The following CNTN5 variants were observed in gnomAD, a reference collection of about 807,000 sequenced individuals.
CNTN5 encodes contactin-5.
CNTN5 carries 77 observed loss-of-function variants against 129.1 expected under a neutral mutation model. That is an observed-to-expected ratio of 0.60 (90% CI 0.50 to 0.72). The LOEUF (loss-of-function observed/expected upper bound fraction) is 0.72, where lower values mean the gene tolerates loss of function less well. Ranked by LOEUF, CNTN5 falls within the 30% of genes least tolerant of loss-of-function variation. CNTN5 has a pLI of 0.00. For missense variants in CNTN5, 1,478 were observed against 1,328.8 expected, an observed-to-expected ratio of 1.11 and a Z score of -1.75; for synonymous variants, 509 against 465.6, an observed-to-expected ratio of 1.09 and a Z score of -1.20.
intron 8 of CNTN5, among the ~76,000 whole-genome samples, chr11:100,000,565 G>C (rs984312347): frequency 6.6e-6 from 1 of 152,184 alleles, no homozygotes; most frequent in Non-Finnish European, 1.5e-5. Context: ...CTCAGTGCAA[G>C]CTGTGGATCC....
rs181042377 is a variant in CNTN5 at position 100,173,695 on chromosome 11, A to G, written c.1581-17431A>G. 2.0e-5 allele frequency among the ~76,000 whole-genome samples: 3 copies of G among 152,276 alleles called. No individual in the cohort carries two copies. The East Asian group carries it at 5.8e-4, about 30-fold the overall frequency. On this transcript the variant is annotated intron_variant, in intron 13 of 24. Transcript: ENST00000524871. Reference sequence around the variant, plus strand: ...CGTCTAAGTCAGGGAACTCTGCAGTAAGGAGGTTCCACAGACATCACAGGT... The same window carrying G: ...CGTCTAAGTCAGGGAACTCTGCAGTGAGGAGGTTCCACAGACATCACAGGT...
intron 4 of CNTN5, among the ~76,000 whole-genome samples, chr11:99,836,411 C>G (rs561282567): frequency 6.6e-6 from 1 of 151,170 alleles, no homozygotes; most frequent in African/African-American, 2.4e-5. Flanking sequence ...TTTGTCCTTG[C>G]GATAGTTTGC....
chr11:99,033,623 C>T (rs1863524817), intron 1 of CNTN5, among the ~76,000 whole-genome samples: 1 of 151,056 alleles, frequency 6.6e-6, no homozygotes. Context: ...GATTTTGTAT[C>T]CTGAGACTTT....
At chr11:99,360,457 G>C (rs1939029647) in intron 2 of CNTN5, among the ~76,000 whole-genome samples, 2 of 152,114 alleles carry the variant, frequency 1.3e-5, no homozygotes, top group South Asian at 4.1e-4. Context: ...AATATAGGTG[G>C]AGGCAGCCAT....
At chr11:99,317,671 C>T (rs1385086178) in intron 1 of CNTN5, among the ~76,000 whole-genome samples, 1 of 152,074 alleles carries the variant, frequency 6.6e-6, no homozygotes, top group African/African-American at 2.4e-5. Flanking sequence ...CCACGATGCA[C>T]TGATAACTTG....
chr11:100,136,659 C>T (rs1042741113), intron 13 of CNTN5, among the ~76,000 whole-genome samples: 1 of 151,816 alleles, frequency 6.6e-6, no homozygotes, highest in African/African-American at 2.4e-5. Flanking sequence ...ACTTTCAAAG[C>T]TCTTCCTAAA....
At chr11:100,338,250 G>C (rs188061577) in intron 21 of CNTN5, among the ~76,000 whole-genome samples, 1 of 152,138 alleles carries the variant, frequency 6.6e-6, no homozygotes, top group Non-Finnish European at 1.5e-5. Flanking sequence ...TTAATATGTC[G>C]TGGTAGTTAA....
chr11:100,005,795 T>C (rs1331820902), intron 9 of CNTN5, among the ~76,000 whole-genome samples: 1 of 152,166 alleles, frequency 6.6e-6, no homozygotes, highest in Non-Finnish European at 1.5e-5. Context: ...CAAAGTGTAA[T>C]ATTTTATATA....
chr11:100,226,215 T>C (rs1429460925), intron 16 of CNTN5, among the ~76,000 whole-genome samples: 1 of 152,150 alleles, frequency 6.6e-6, no homozygotes, highest in Non-Finnish European at 1.5e-5. Flanking sequence ...CTGCAAACCC[T>C]ACACTCAGTC....
At chr11:99,428,298 G>A (rs1000020612) in intron 2 of CNTN5, among the ~76,000 whole-genome samples, 22 of 151,878 alleles carry the variant, frequency 1.4e-4, no homozygotes, top group African/African-American at 4.6e-4. Context: ...AGTGGCTCAC[G>A]TTTTTAATCC....
chr11:99,148,124 G>T (rs1202029879), intron 1 of CNTN5, among the ~76,000 whole-genome samples: 1 of 151,776 alleles, frequency 6.6e-6, no homozygotes, highest in Non-Finnish European at 1.5e-5. Flanking sequence ...CGCCCTTTAA[G>T]GATTGTAAAT....
chr11:99,500,801 G>A (rs1946397830), intron 2 of CNTN5, among the ~76,000 whole-genome samples: 1 of 152,032 alleles, frequency 6.6e-6, no homozygotes, highest in Non-Finnish European at 1.5e-5. Context: ...ACTTTTTTGT[G>A]TAGATTACTG....
At chr11:100,039,229 G>A (rs1942230458) in intron 9 of CNTN5, among the ~76,000 whole-genome samples, 1 of 152,046 alleles carries the variant, frequency 6.6e-6, no homozygotes, top group Admixed American at 6.6e-5. Context: ...TACTTATGAA[G>A]CTTAATTTGG....
At chr11:100,171,164 A>G (rs1450169529) in intron 13 of CNTN5, among the ~76,000 whole-genome samples, 1 of 152,024 alleles carries the variant, frequency 6.6e-6, no homozygotes, top group Non-Finnish European at 1.5e-5. Flanking sequence ...AATAAATAAA[A>G]TGAGTTCTTT....
At chr11:99,933,194 T>A (rs1950230601) in intron 7 of CNTN5, among the ~76,000 whole-genome samples, 1 of 152,186 alleles carries the variant, frequency 6.6e-6, no homozygotes, top group South Asian at 2.1e-4. Context: ...ATAATATAAA[T>A]CTTACTCTAG....
intron 1 of CNTN5, among the ~76,000 whole-genome samples, chr11:99,041,779 C>A (rs1033868103): frequency 6.6e-6 from 1 of 152,082 alleles, no homozygotes; most frequent in Non-Finnish European, 1.5e-5. Context: ...AATAAGAGCT[C>A]ATAATTTAGT....
chr11:99,120,761 G>T (rs556075186), intron 1 of CNTN5, among the ~76,000 whole-genome samples: 135 of 152,196 alleles, frequency 8.9e-4, no homozygotes, highest in African/African-American at 3.2e-3. Flanking sequence ...TAATTGCATA[G>T]TTCGAGTCAC....
chr11:99,410,065 C>A (rs1309756039), intron 2 of CNTN5, among the ~76,000 whole-genome samples: 3 of 151,994 alleles, frequency 2.0e-5, no homozygotes, highest in Non-Finnish European at 2.9e-5. Context: ...AATATCATAA[C>A]CTTGTTGGAG....
intron 13 of CNTN5, among the ~76,000 whole-genome samples, chr11:100,105,151 C>T (rs1184484155): frequency 6.6e-6 from 1 of 152,198 alleles, no homozygotes; most frequent in African/African-American, 2.4e-5. Context: ...AAAGCGATTA[C>T]TTGAAGCAAA....
Sources: gnomAD v4.1 joint callset for allele counts (sites outside exome capture counted in the v4.1 genomes callset) on GRCh38, gnomAD v4.1.1 for gene constraint, MANE v1.5 for transcripts, NCBI Gene and HGNC (gene_info 2026-07-23, HGNC 2026-07-21) for gene names.